USP45: variants seen among roughly 807,000 people sequenced by gnomAD.
The protein encoded by USP45 is ubiquitin carboxyl-terminal hydrolase 45.
A neutral mutation model predicts 95.8 loss-of-function variants in USP45; 89 were observed. The observed-to-expected ratio is 0.93, with a 90% CI of 0.78 to 1.11. The LOEUF (loss-of-function observed/expected upper bound fraction) is 1.11. Ranked by LOEUF, USP45 falls within the 50% of genes least tolerant of loss-of-function variation. The pLI, the probability that USP45 is intolerant of heterozygous loss-of-function variation, is 0.00. For synonymous variants in USP45, 281 were observed against 316.2 expected (o/e 0.89, Z 1.18); for missense variants, 898 against 942.5 (o/e 0.95, Z 0.62).
At chr6:99,443,155 T>G (rs998785475) in intron 15 of USP45, among the ~76,000 whole-genome samples, 8 of 152,140 alleles carry the variant, frequency 5.3e-5, no homozygotes, top group African/African-American at 1.7e-4. Context: ...AAGTGGAGGT[T>G]GCAGTGAGCT....
At chr6:99,443,938 TTC>T (rs1781989329) in intron 14 of USP45, among the ~76,000 whole-genome samples, 1 of 152,166 alleles carries the variant, frequency 6.6e-6, no homozygotes, top group African/African-American at 2.4e-5. Flanking sequence ...TAGAATTAAT[TTC>T]TGTCAATGCC....
intron 13 of USP45, chr6:99,461,319 T>C (rs1786418917): frequency 1.2e-5 from 12 of 985,398 alleles, no homozygotes; most frequent in Non-Finnish European, 1.4e-5. Flanking sequence ...AAATAGCCTA[T>C]GGAATAGACT....
chr6:99,491,537 C>T lies in USP45; in HGVS notation c.479-2717G>A, dbSNP rs1795180738. Reference sequence around the variant, plus strand: ...TTACTCAATTTTTTCAGGCTGTTAACTCTGATTTTACATTTATAAAACTCA... The same window carrying T: ...TTACTCAATTTTTTCAGGCTGTTAATTCTGATTTTACATTTATAAAACTCA... On this transcript the variant is annotated intron_variant, in intron 5 of 17. Transcript: ENST00000500704. 2.6e-5 allele frequency among the ~76,000 whole-genome samples: 4 copies of T among 152,186 alleles called. No homozygotes were observed. In the South Asian group the frequency reaches 8.3e-4, roughly 32 times the overall value.
intron 13 of USP45, among the ~76,000 whole-genome samples, chr6:99,450,287 C>T (rs1278701295): frequency 2.6e-5 from 4 of 151,720 alleles, no homozygotes; most frequent in African/African-American, 7.3e-5. Flanking sequence ...AAACCACTAG[C>T]AAGACAAATA....
intron 13 of USP45, among the ~76,000 whole-genome samples, chr6:99,449,213 A>C (rs1017184047): frequency 6.6e-6 from 1 of 152,214 alleles, no homozygotes; most frequent in Non-Finnish European, 1.5e-5. Context: ...CAATTAAAAG[A>C]TACAGACTGA....
chr6:99,508,775 T>G lies in USP45; in HGVS notation c.108A>C (p.Leu36Phe), dbSNP rs2128809128. The G allele has an allele frequency of 6.2e-7, 1 of 1,610,258 alleles. No individual in the cohort carries two copies. Among genetic ancestry groups the G allele is most frequent in the South Asian group, 1.1e-5 (1 of 90,038 alleles). ...EDSSDDIAVG[L>F]TCQHVSHAIS... ...TAGCATGACTTACATGTTGGCAAGT[T>G]AAACCTACTGAATAAGATAAAACAA... Residue 36 changes from leucine (L) to phenylalanine (F), a missense_variant, in exon 3 of 18, where the codon TTA becomes TTC. Leu to Phe is a conservative substitution (Grantham distance 22). Transcript: ENST00000500704.
At chr6:99,475,164 T>C (rs1790482715) in intron 9 of USP45, among the ~76,000 whole-genome samples, 1 of 152,142 alleles carries the variant, frequency 6.6e-6, no homozygotes, top group Non-Finnish European at 1.5e-5. Flanking sequence ...GACATACAAA[T>C]ACTGCTTGGT....
At chr6:99,444,850 G>A (rs943156798) in intron 14 of USP45, among the ~76,000 whole-genome samples, 1 of 152,112 alleles carries the variant, frequency 6.6e-6, no homozygotes, top group African/African-American at 2.4e-5. Flanking sequence ...CCCACTTCTT[G>A]GGAACTATGA....
Position 99,493,525 on chromosome 6 carries a change from T to C in USP45, c.479-4705A>G, listed in dbSNP as rs777080439. ...GTATGTATGTATTTTGAGACGGAGTTTTGCTCTTGTCGCCCAGGCTGGAGT... is the reference window on the plus strand; with the variant it reads ...GTATGTATGTATTTTGAGACGGAGTCTTGCTCTTGTCGCCCAGGCTGGAGT... On this transcript the variant is annotated intron_variant, in intron 5 of 17. Coordinates refer to ENST00000500704, the MANE Select transcript of USP45 (RefSeq NM_001346022.3). Among the ~76,000 whole-genome samples the C allele has an allele frequency of 5.9e-5, 9 of 152,056 alleles. No individual in the cohort carries two copies. In the East Asian group the frequency reaches 1.5e-3, roughly 26 times the overall value.
intron 13 of USP45, chr6:99,462,423 C>G: frequency 1.0e-6 from 1 of 983,872 alleles, no homozygotes; most frequent in Non-Finnish European, 1.2e-6. Context: ...ACTCTTTAAA[C>G]TAAATAAAAA....
At chr6:99,478,372 C>T (rs546277244) in intron 8 of USP45, among the ~76,000 whole-genome samples, 2 of 151,920 alleles carry the variant, frequency 1.3e-5, no homozygotes, top group Middle Eastern at 3.4e-3. Context: ...AATCACCAAA[C>T]ATATGAAAAT....
At chr6:99,445,562 G>A (rs1460872233) in intron 14 of USP45, among the ~76,000 whole-genome samples, 2 of 151,710 alleles carry the variant, frequency 1.3e-5, no homozygotes, top group African/African-American at 2.4e-5. Flanking sequence ...AAGATTATAT[G>A]GGTTTGCATT....
At chr6:99,505,577 G>A (rs763914902) in intron 4 of USP45, among the ~76,000 whole-genome samples, 80 of 149,358 alleles carry the variant, frequency 5.4e-4, no homozygotes, top group Non-Finnish European at 1.0e-3. Context: ...GGAGGCAGAG[G>A]TTGCAGTGAG....
chr6:99,491,916 T>C (rs745425917), intron 5 of USP45, among the ~76,000 whole-genome samples: 2 of 152,022 alleles, frequency 1.3e-5, no homozygotes, highest in Admixed American at 6.6e-5. Context: ...GAAATATATA[T>C]ACACGACGCC....
At position 99,435,206 on chromosome 6, in the gene USP45, GTTTT is replaced by G. The variant is rs1457328220; in HGVS notation, c.*506_*509del. 6.6e-6 allele frequency: 1 copy of G among 152,494 alleles called. No individual in the cohort carries two copies. Among genetic ancestry groups the G allele is most frequent in the Admixed American group, 6.6e-5 (1 of 15,264 alleles). 9.4% of individuals were successfully genotyped at this position (152,494 alleles called of 1,614,324 possible). ...GTACGTGGATAAACAATTTTTAATAGTTTTACTTTAATATTTATTATAAAAATAT... is the reference window on the plus strand; with the variant it reads ...GTACGTGGATAAACAATTTTTAATAGACTTTAATATTTATTATAAAAATAT... On this transcript the variant is annotated 3_prime_UTR_variant, in exon 18 of 18. Coordinates refer to ENST00000500704, the MANE Select transcript of USP45 (RefSeq NM_001346022.3).
chr6:99,501,197 A>C, intron 5 of USP45, among the ~76,000 whole-genome samples: 1 of 143,992 alleles, frequency 6.9e-6, no homozygotes, highest in African/African-American at 2.6e-5. Context: ...CCCCCCCACA[A>C]TCACCTCCTT....
chr6:99,443,817 C>A (rs1456786881), intron 14 of USP45, among the ~76,000 whole-genome samples, 155 bp from the exon 15 acceptor site: 1 of 152,074 alleles, frequency 6.6e-6, no homozygotes, highest in African/African-American at 2.4e-5. Flanking sequence ...CTTCCTAAAA[C>A]TCTGCTAAAA....
chr6:99,445,925 T>A lies in USP45; in HGVS notation c.1847A>T (p.Lys616Ile), dbSNP rs373722489. 6.2e-7 allele frequency: 1 copy of A among 1,614,082 alleles called. No individual in the cohort carries two copies. ...TLSQSYITTS[K>I]ECSIQSCLYQ... Reference sequence around the variant, plus strand: ...GAGACAGGACTGAATTGAACATTCTTTAGAAGTAGTTATATAGCTCTGAGA... The same window carrying A: ...GAGACAGGACTGAATTGAACATTCTATAGAAGTAGTTATATAGCTCTGAGA... The change falls in exon 14 of 18, where the codon AAA becomes ATA. Residue 616 changes from lysine to isoleucine, a missense_variant. Physicochemically the swap from Lys to Ile is moderately radical, Grantham distance 102 (BLOSUM62 -3). Transcript: ENST00000500704.
At chr6:99,442,310 T>G (rs765616050) in intron 15 of USP45, among the ~76,000 whole-genome samples, 1 of 152,196 alleles carries the variant, frequency 6.6e-6, no homozygotes, top group Non-Finnish European at 1.5e-5. Flanking sequence ...CAAGACATAA[T>G]ACATCTGCTT....
Sources: gnomAD v4.1 joint callset for allele counts (sites outside exome capture counted in the v4.1 genomes callset) on GRCh38, gnomAD v4.1.1 for gene constraint, MANE v1.5 for transcripts, NCBI Gene and HGNC (gene_info 2026-07-23, HGNC 2026-07-21) for gene names.